The following SIPA1L3 variants were observed in gnomAD, a reference collection of about 807,000 sequenced individuals.
SIPA1L3 encodes the protein signal-induced proliferation-associated 1-like protein 3.
In SIPA1L3, 59 loss-of-function variants were observed where a neutral mutation model predicts 150.1. The ratio of observed to expected loss-of-function variants is 0.39; its 90% CI spans 0.32 to 0.49. The LOEUF (loss-of-function observed/expected upper bound fraction) is 0.49. SIPA1L3 is among the 20% of genes least tolerant of loss of function. The probability of loss-of-function intolerance (pLI) is 0.86; values close to 1 mark genes in which losing one functional copy is unlikely to be tolerated. For missense variants in SIPA1L3, 2,211 were observed against 2,489.5 expected (o/e 0.89, Z 2.38); for synonymous variants, 1,070 against 1,077.6 (o/e 0.99, Z 0.14).
intron 2 of SIPA1L3, among the ~76,000 whole-genome samples, chr19:38,076,644 T>C (rs1006645890): frequency 1.3e-5 from 2 of 152,216 alleles, no homozygotes; most frequent in African/African-American, 4.8e-5. Flanking sequence ...CCGTACAAAG[T>C]GCCACTAGTG....
intron 4 of SIPA1L3, among the ~76,000 whole-genome samples, chr19:38,095,245 G>T (rs1970351690): frequency 6.6e-6 from 1 of 152,116 alleles, no homozygotes; most frequent in South Asian, 2.1e-4. Flanking sequence ...GGATCTTTTT[G>T]AATCCTTTCA....
At chr19:38,124,750 G>A (rs1419787872) in intron 9 of SIPA1L3, among the ~76,000 whole-genome samples, 2 of 152,214 alleles carry the variant, frequency 1.3e-5, no homozygotes, top group East Asian at 1.9e-4. Context: ...CTGCAATCCC[G>A]GCACCTCGGG....
chr19:37,974,314 G>T (rs528300978), intron 1 of SIPA1L3, among the ~76,000 whole-genome samples: 78 of 152,130 alleles, frequency 5.1e-4, no homozygotes, highest in African/African-American at 1.8e-3. Context: ...TGAGCCAGGA[G>T]TTCAAGGTCA....
At chr19:38,169,600 G>A (rs1264663679) in intron 15 of SIPA1L3, among the ~76,000 whole-genome samples, 1 of 152,208 alleles carries the variant, frequency 6.6e-6, no homozygotes, top group Non-Finnish European at 1.5e-5. Flanking sequence ...TTAGAACAGT[G>A]CTTTGACTTG....
At position 38,081,400 on chromosome 19, in the gene SIPA1L3, TGGTGGAGAACTGGA is replaced by T; in HGVS notation, c.-165_-152del. On this transcript the variant is annotated 5_prime_UTR_variant, in exon 3 of 22. It removes an upstream start codon present in the reference 5' UTR. Transcript: ENST00000222345. Reference sequence around the variant, plus strand: ...GTCCTGGCTCAGCTGTGCACAGCGATGGTGGAGAACTGGACTCCACAGGCTCACAACCTTCCTGT... The same window carrying T: ...GTCCTGGCTCAGCTGTGCACAGCGATCTCCACAGGCTCACAACCTTCCTGT... 1 of 641,182 alleles carries T rather than the reference TGGTGGAGAACTGGA, an allele frequency of 1.6e-6. No individual in the cohort carries two copies. The highest frequency in any genetic ancestry group is 2.6e-6 in the Non-Finnish European group (1 of 378,008). The allele number at this position is 641,182 out of a possible 1,614,324, so 39.7% of individuals were successfully genotyped here. A position where few individuals can be genotyped will look rare whatever the true frequency, so the allele number is the denominator to read the frequency against.
chr19:38,076,548 G>A (rs964067663), intron 2 of SIPA1L3, among the ~76,000 whole-genome samples: 9 of 152,102 alleles, frequency 5.9e-5, no homozygotes, highest in African/African-American at 1.9e-4. Flanking sequence ...ATTGCACATC[G>A]CAGTAAAAAA....
At chr19:37,911,377 G>T (rs140429969) in intron 1 of SIPA1L3, among the ~76,000 whole-genome samples, 1 of 152,188 alleles carries the variant, frequency 6.6e-6, no homozygotes, top group African/African-American at 2.4e-5. Context: ...GGCTGGGCAT[G>T]TCCTTCCAAG....
intron 1 of SIPA1L3, among the ~76,000 whole-genome samples, chr19:37,920,641 G>A (rs186045928): frequency 1.8e-4 from 28 of 152,322 alleles, no homozygotes; most frequent in Middle Eastern, 3.4e-3. Flanking sequence ...TGTATTTCAA[G>A]CTCAAGTGTA....
At chr19:38,155,945 A>T (rs932177879) in intron 13 of SIPA1L3, among the ~76,000 whole-genome samples, 1 of 152,020 alleles carries the variant, frequency 6.6e-6, no homozygotes, top group Non-Finnish European at 1.5e-5. Flanking sequence ...ACCAGGCGTG[A>T]TGGTGCATGC....
In SIPA1L3 at chr19:37,978,766, G is replaced by C. The variant is rs564240139; in HGVS notation, c.-378-50323G>C. On this transcript the variant is annotated intron_variant, in intron 1 of 21. Transcript: ENST00000222345. ...GAGGCGGGAGGATCACTGGAGTCCA[G>C]GAGTTCCAGACTAGCCTGGACAACA... 1.2e-4 allele frequency among the ~76,000 whole-genome samples: 18 copies of C among 152,110 alleles called. No homozygotes were observed. In the South Asian group the frequency reaches 3.7e-3, roughly 32 times the overall value.
intron 1 of SIPA1L3, among the ~76,000 whole-genome samples, chr19:37,988,948 A>G: frequency 6.6e-6 from 1 of 152,144 alleles, no homozygotes; most frequent in South Asian, 2.1e-4. Flanking sequence ...TCTGCTCAGA[A>G]GTCACCCTCC....
At position 38,162,383 on chromosome 19, in the gene SIPA1L3, C is replaced by T; in HGVS notation, c.3780+12C>T. Reference sequence around the variant, plus strand: ...ACAGGCATTCCAAAGTGAGTCTGGGCCCCACCCTGCCCTACCGGGGGAGCC... The same window carrying T: ...ACAGGCATTCCAAAGTGAGTCTGGGTCCCACCCTGCCCTACCGGGGGAGCC... On this transcript the variant is annotated intron_variant, in intron 14 of 21. Coordinates refer to ENST00000222345, the MANE Select transcript of SIPA1L3 (RefSeq NM_015073.3). The T allele has an allele frequency of 1.9e-6, 3 of 1,596,694 alleles. No homozygotes were observed. Among genetic ancestry groups the T allele is most frequent in the Non-Finnish European group, 2.6e-6 (3 of 1,165,276 alleles).
At chr19:38,103,628 C>CAA (rs35401704) in intron 6 of SIPA1L3, among the ~76,000 whole-genome samples, 61 of 137,314 alleles carry the variant, frequency 4.4e-4, no homozygotes, top group Admixed American at 1.3e-3. Context: ...AACTTCATCT[C>CAA]AAAAAAAAAA....
At chr19:37,954,941 G>A (rs1164804136) in intron 1 of SIPA1L3, among the ~76,000 whole-genome samples, 10 of 151,928 alleles carry the variant, frequency 6.6e-5, no homozygotes, top group African/African-American at 2.4e-4. Context: ...ACAAAAATTA[G>A]CCAGGCATTG....
At chr19:37,955,786 A>G (rs1392080167) in intron 1 of SIPA1L3, among the ~76,000 whole-genome samples, 1 of 152,166 alleles carries the variant, frequency 6.6e-6, no homozygotes, top group African/African-American at 2.4e-5. Flanking sequence ...ATGAATGGAT[A>G]ATTTCATTAC....
chr19:38,103,628 CA>C (rs35401704), intron 6 of SIPA1L3, among the ~76,000 whole-genome samples: 115 of 137,204 alleles, frequency 8.4e-4, no homozygotes, highest in Non-Finnish European at 7.2e-4. Flanking sequence ...AACTTCATCT[CA>C]AAAAAAAAAA....
intron 15 of SIPA1L3, among the ~76,000 whole-genome samples, chr19:38,176,014 T>C (rs1972427796): frequency 6.6e-6 from 1 of 152,054 alleles, no homozygotes; most frequent in Non-Finnish European, 1.5e-5. Flanking sequence ...AAGACCAGCC[T>C]GACCAACATG....
At chr19:37,930,024 A>AG (rs1568467656) in intron 1 of SIPA1L3, among the ~76,000 whole-genome samples, 6 of 98,458 alleles carry the variant, frequency 6.1e-5, no homozygotes, top group Admixed American at 2.1e-4. Context: ...GTGCCTGGCA[A>AG]ATTTTTTTTT....
chr19:38,115,958 G>A (rs532055341), intron 8 of SIPA1L3, among the ~76,000 whole-genome samples: 28 of 152,236 alleles, frequency 1.8e-4, no homozygotes, highest in Middle Eastern at 3.4e-3. Context: ...GATGAGTGTC[G>A]CACTGTCGCC....
Sources: gnomAD v4.1 joint callset for allele counts (sites outside exome capture counted in the v4.1 genomes callset) on GRCh38, gnomAD v4.1.1 for gene constraint, MANE v1.5 for transcripts, NCBI Gene and HGNC (gene_info 2026-07-23, HGNC 2026-07-21) for gene names.